SOHLH2: variants seen among roughly 807,000 people sequenced by gnomAD.
SOHLH2 encodes spermatogenesis- and oogenesis-specific basic helix-loop-helix-containing protein 2.
A neutral mutation model predicts 50.4 loss-of-function variants in SOHLH2; 22 were observed. The ratio of observed to expected loss-of-function variants is 0.44; its 90% CI spans 0.31 to 0.62. The LOEUF is 0.62. Ranked by LOEUF, SOHLH2 falls within the 20% of genes least tolerant of loss-of-function variation. The probability of loss-of-function intolerance (pLI) is 0.08; values close to 1 mark genes in which losing one functional copy is unlikely to be tolerated. For synonymous variants in SOHLH2, 185 were observed against 187.3 expected (o/e 0.99, Z 0.10); for missense variants, 412 against 504.4 (o/e 0.82, Z 1.76).
chr13:36,178,209 A>T (rs1326079860), intron 6 of SOHLH2, among the ~76,000 whole-genome samples: 1 of 152,138 alleles, frequency 6.6e-6, no homozygotes, highest in African/African-American at 2.4e-5. Context: ...AACACAGCAG[A>T]AGATTCAACT....
chr13:36,199,843 A>C (rs1887846056), intron 2 of SOHLH2, among the ~76,000 whole-genome samples: 1 of 152,236 alleles, frequency 6.6e-6, no homozygotes, highest in Non-Finnish European at 1.5e-5. Flanking sequence ...GCTTTACTCC[A>C]TTCAGAGAGG....
At chr13:36,170,235 C>G (rs1460809898) in intron 10 of SOHLH2, among the ~76,000 whole-genome samples, 5 of 152,082 alleles carry the variant, frequency 3.3e-5, no homozygotes, top group Non-Finnish European at 1.5e-5. Context: ...TGAGTAGAAG[C>G]AGAGGGGTGG....
chr13:36,173,156 G>T (rs1489843513), intron 9 of SOHLH2, among the ~76,000 whole-genome samples: 1 of 152,126 alleles, frequency 6.6e-6, no homozygotes, highest in Non-Finnish European at 1.5e-5. Context: ...TAGAAATACA[G>T]CAATGAATAA....
Position 36,185,251 on chromosome 13 carries a change from G to A in SOHLH2, c.641+4695C>T, listed in dbSNP as rs563925220. On this transcript the variant is annotated intron_variant, in intron 6 of 10. Coordinates refer to ENST00000379881, the MANE Select transcript of SOHLH2 (RefSeq NM_017826.3). The stretch of plus-strand genomic sequence containing the variant: ...TGGGAGGCCGAGGTGGGCGGATCAC[G>A]AGGTCAGGAGTTTGAGATCAGCCTG... Among the ~76,000 whole-genome samples the A allele has an allele frequency of 4.6e-5, 7 of 152,142 alleles. No individual in the cohort carries two copies. In the East Asian group the frequency reaches 9.7e-4, roughly 21 times the overall value.
intron 6 of SOHLH2, among the ~76,000 whole-genome samples, chr13:36,186,531 G>C (rs1887425884): frequency 6.6e-6 from 1 of 152,088 alleles, no homozygotes; most frequent in South Asian, 2.1e-4. Flanking sequence ...TCTAGTCCTG[G>C]AAAAGTCTTC....
intron 6 of SOHLH2, among the ~76,000 whole-genome samples, chr13:36,186,092 C>A (rs900842985): frequency 6.6e-6 from 1 of 151,558 alleles, no homozygotes; most frequent in Non-Finnish European, 1.5e-5. Context: ...CAAATATAAT[C>A]CAGCAATAAA....
In SOHLH2 at chr13:36,174,850, A is replaced by G; in HGVS notation, c.661T>C (p.Cys221Arg). 6.3e-7 allele frequency: 1 copy of G among 1,581,648 alleles called. No homozygotes were observed. Among genetic ancestry groups the G allele is most frequent in the Non-Finnish European group, 8.5e-7 (1 of 1,170,332 alleles). ...KLRRERIKYC[C>R]EQLRTLLPYV... ...GGCAAGAGAGTACGCAGCTGCTCAC[A>G]GCAATATTTGATTCTTTCCCTGGAC... Residue 221 changes from cysteine to arginine, a missense_variant, in exon 7 of 11, where the codon TGT (cysteine) becomes CGT (arginine). Transcript: ENST00000379881.
chr13:36,183,175 A>G, intron 6 of SOHLH2: 1 of 383,908 alleles, frequency 2.6e-6, no homozygotes, highest in Non-Finnish European at 5.6e-6. Context: ...CAGAAACAGA[A>G]GCTGCTATGC....
chr13:36,170,631 G>T lies in SOHLH2; in HGVS notation c.1157C>A (p.Ser386Ter). Residue 386 changes from serine (S) to a stop codon, truncating the protein, a stop_gained, in exon 10 of 11, where the codon TCA becomes TAA. Coordinates refer to ENST00000379881, the MANE Select transcript of SOHLH2 (RefSeq NM_017826.3). LOFTEE classifies it high-confidence loss of function. The part of the protein sequence containing the change: ...DATAVTNQNI[S>*]IHLPSAMPPV... ...GGGCATGGCTGAAGGTAAATGAATT[G>T]AAATGTTCTGATTTGTTACAGCAGT... The T allele has an allele frequency of 6.2e-7, 1 of 1,614,164 alleles. No homozygotes were observed. The highest frequency in any genetic ancestry group is 1.1e-5 in the South Asian group (1 of 91,084).
intron 10 of SOHLH2, 149 bp downstream of exon 10, chr13:36,170,381 TC>T: frequency 8.9e-6 from 12 of 1,350,888 alleles, no homozygotes; most frequent in Non-Finnish European, 1.2e-5. Flanking sequence ...TGACTGCACC[TC>T]CTTTTCACTC....
intron 1 of SOHLH2, among the ~76,000 whole-genome samples, chr13:36,206,737 C>T (rs1236970740): frequency 6.6e-6 from 1 of 151,502 alleles, no homozygotes; most frequent in African/African-American, 2.4e-5. Flanking sequence ...TTGATCTTTC[C>T]GTTTATGAAA....
chr13:36,201,869 T>G lies in SOHLH2; in HGVS notation c.263+10A>C. ...TCTAAAGATACAGCATCAAGGCTTT[T>G]GAAGTTTACCTAATTAACTTGATGG... On this transcript the variant is annotated intron_variant, in intron 2 of 10. Transcript: ENST00000379881. 4 of 1,614,194 alleles carry G rather than the reference T, an allele frequency of 2.5e-6. No individual in the cohort carries two copies. The highest frequency in any genetic ancestry group is 3.4e-6 in the Non-Finnish European group (4 of 1,180,024).
At chr13:36,182,405 A>G (rs187573131) in intron 6 of SOHLH2, 18 of 449,486 alleles carry the variant, frequency 4.0e-5, no homozygotes, top group Middle Eastern at 1.1e-3. Context: ...TGCCTGCTTT[A>G]ATCAAAAGAT....
intron 6 of SOHLH2, chr13:36,181,937 T>C: frequency 1.4e-6 from 1 of 709,146 alleles, no homozygotes. Context: ...GGAAATAATA[T>C]CTGATGGAAA....
rs10660002 is a variant in SOHLH2 at position 36,201,048 on chromosome 13, C to CAAA, written c.263+828_263+830dup. Among the ~76,000 whole-genome samples the CAAA allele has an allele frequency of 9.0e-3, 503 of 55,762 alleles. 18 individuals are homozygous for CAAA. Among genetic ancestry groups the CAAA allele is most frequent in the African/African-American group, 0.013 (176 of 13,302 alleles). 36.6% of individuals were successfully genotyped at this position (55,762 alleles called of 152,430 possible). On this transcript the variant is annotated intron_variant, in intron 2 of 10. Coordinates refer to ENST00000379881, the MANE Select transcript of SOHLH2 (RefSeq NM_017826.3). ...TGGGCAACAGAACGAGACTCTGCCT[C>CAAA]AAAAAAAAAAAAAAAAAAAAAAAGA...
chr13:36,182,959 G>A lies in SOHLH2; in HGVS notation c.641+6987C>T, dbSNP rs145504977. The A allele has an allele frequency of 8.3e-3, 1,299 of 155,850 alleles. 25 individuals carry two copies. Among genetic ancestry groups the A allele is most frequent in the African/African-American group, 0.03 (1,247 of 41,828 alleles). 9.7% of individuals were successfully genotyped at this position (155,850 alleles called of 1,614,324 possible). On this transcript the variant is annotated intron_variant, in intron 6 of 10. Transcript: ENST00000379881. ...ATGTTGGAGGTGGAACCTGGTGGGA[G>A]GTGTTAAATCATGGGGGCACTCTAG...
In SOHLH2 at chr13:36,168,437, T is replaced by C. The variant is rs1480502195; in HGVS notation, c.*597A>G. On this transcript the variant is annotated 3_prime_UTR_variant, in exon 11 of 11. Coordinates refer to ENST00000379881, the MANE Select transcript of SOHLH2 (RefSeq NM_017826.3). ...TCGTTTCACTCAAGGGATTGTGAAATGCAAAAGCACACATCAATTTATTCA... is the reference window on the plus strand; with the variant it reads ...TCGTTTCACTCAAGGGATTGTGAAACGCAAAAGCACACATCAATTTATTCA... 6.6e-6 allele frequency: 1 copy of C among 152,198 alleles called. No homozygotes were observed. The highest frequency in any genetic ancestry group is 1.5e-5 in the Non-Finnish European group (1 of 68,058). 9.4% of individuals were successfully genotyped at this position (152,198 alleles called of 1,614,324 possible). A position where few individuals can be genotyped will look rare whatever the true frequency, so the allele number is the denominator to read the frequency against.
At chr13:36,208,311 T>G (rs1009524596) in intron 1 of SOHLH2, among the ~76,000 whole-genome samples, 1 of 152,204 alleles carries the variant, frequency 6.6e-6, no homozygotes, top group African/African-American at 2.4e-5. Context: ...GGAGGATATG[T>G]TCCTTTTCCC....
At chr13:36,189,819 G>A in intron 6 of SOHLH2, 127 bp downstream of exon 6, 1 of 850,374 alleles carries the variant, frequency 1.2e-6, no homozygotes. Flanking sequence ...TGAGTGAGTG[G>A]CATCTATTTG....
Sources: gnomAD v4.1 joint callset for allele counts (sites outside exome capture counted in the v4.1 genomes callset) on GRCh38, gnomAD v4.1.1 for gene constraint, MANE v1.5 for transcripts, NCBI Gene and HGNC (gene_info 2026-07-23, HGNC 2026-07-21) for gene names.